The following PRKN variants were observed in gnomAD, a reference collection of about 807,000 sequenced individuals.
The protein encoded by PRKN is E3 ubiquitin-protein ligase parkin.
A neutral mutation model predicts 59.5 loss-of-function variants in PRKN; 56 were observed. The observed-to-expected ratio is 0.94, with a 90% CI of 0.76 to 1.18. PRKN has a LOEUF of 1.18. Among genes scored for constraint, PRKN ranks in the 50% most tolerant of loss-of-function variants. The probability of loss-of-function intolerance (pLI) is 0.00; values close to 1 mark genes in which losing one functional copy is unlikely to be tolerated. For missense variants in PRKN, 657 were observed against 596.4 expected (o/e 1.10, Z -1.06); for synonymous variants, 250 against 222.1 (o/e 1.13, Z -1.12).
intron 2 of PRKN, among the ~76,000 whole-genome samples, chr6:162,333,801 C>T (rs1221692598): frequency 6.6e-6 from 1 of 152,156 alleles, no homozygotes. Context: ...GAGGAAGGCA[C>T]GTTGAAAGCC....
intron 5 of PRKN, among the ~76,000 whole-genome samples, chr6:161,978,797 A>T (rs189414640): frequency 6.6e-6 from 1 of 152,292 alleles, no homozygotes; most frequent in South Asian, 2.1e-4. Flanking sequence ...TCAAGGTGGC[A>T]TTGTTTGAGT....
At chr6:161,830,674 T>C (rs1350323245) in intron 6 of PRKN, among the ~76,000 whole-genome samples, 1 of 152,238 alleles carries the variant, frequency 6.6e-6, no homozygotes, top group African/African-American at 2.4e-5. Context: ...ATTCATGGTA[T>C]ACAACATGGT....
At position 161,499,610 on chromosome 6, in the gene PRKN, TC is replaced by T. The variant is rs1028005147; in HGVS notation, c.1083+49243del. Among the ~76,000 whole-genome samples the T allele has an allele frequency of 2.0e-5, 3 of 152,186 alleles. No homozygotes were observed. The highest frequency in any genetic ancestry group is 4.4e-5 in the Non-Finnish European group (3 of 68,032). Reference sequence around the variant, plus strand: ...CCTGGATCCAAGTTAGCTGAGTTGCTCGTGAAAAATGCAGATTGCAGGTTTC... The same window carrying T: ...CCTGGATCCAAGTTAGCTGAGTTGCTGTGAAAAATGCAGATTGCAGGTTTC... On this transcript the variant is annotated intron_variant, in intron 9 of 11. Coordinates refer to ENST00000366898, the MANE Select transcript of PRKN (RefSeq NM_004562.3). The surrounding 1 kb of genome is among the most constrained non-coding windows in gnomAD (Gnocchi z 4.2).
chr6:161,779,810 C>T (rs907265449), intron 7 of PRKN, among the ~76,000 whole-genome samples: 6 of 151,952 alleles, frequency 3.9e-5, no homozygotes, highest in African/African-American at 9.7e-5. Context: ...CTATGCTCCA[C>T]GAATCAAGGC....
intron 4 of PRKN, among the ~76,000 whole-genome samples, chr6:162,068,240 T>A (rs76670990): frequency 0.015 from 2,200 of 144,848 alleles, 50 homozygotes; most frequent in African/African-American, 0.052. Context: ...TAGGTGTTTT[T>A]CTTTTAAAGT....
At chr6:162,199,911 C>T (rs1784649902) in intron 4 of PRKN, among the ~76,000 whole-genome samples, 1 of 152,130 alleles carries the variant, frequency 6.6e-6, no homozygotes, top group Non-Finnish European at 1.5e-5. Context: ...CCCTGGCCCA[C>T]AGCTCCTCAT....
At chr6:162,599,364 C>T (rs1013249725) in intron 1 of PRKN, among the ~76,000 whole-genome samples, 2 of 152,038 alleles carry the variant, frequency 1.3e-5, no homozygotes, top group Admixed American at 1.3e-4. Flanking sequence ...AAAGTCCACC[C>T]GACCTCACAA....
intron 6 of PRKN, among the ~76,000 whole-genome samples, chr6:161,856,013 A>G (rs1223477659): frequency 1.3e-5 from 2 of 152,208 alleles, no homozygotes; most frequent in Admixed American, 6.5e-5. Context: ...CTAGGAAAGC[A>G]TGAGTCCAAG....
rs146057903 is a variant in PRKN, at chr6:162,469,838, C to T, written c.8-26365G>A. ...TCACAAATCGCTACTAAAGAACTTA[C>T]ACATGTAGCCAAATATCACCTGTTC... On this transcript the variant is annotated intron_variant, in intron 1 of 11. Coordinates refer to ENST00000366898, the MANE Select transcript of PRKN (RefSeq NM_004562.3). 7.6e-4 allele frequency among the ~76,000 whole-genome samples: 115 copies of T among 152,046 alleles called. 1 individual carries two copies. In the East Asian group the frequency reaches 0.011, roughly 15 times the overall value.
At chr6:161,504,658 A>G (rs980368770) in intron 9 of PRKN, among the ~76,000 whole-genome samples, 8 of 144,170 alleles carry the variant, frequency 5.5e-5, no homozygotes, top group Non-Finnish European at 9.2e-5. Context: ...ATATCTCCCA[A>G]TGCTATCCCT....
intron 7 of PRKN, among the ~76,000 whole-genome samples, chr6:161,628,771 A>C (rs1783187099): frequency 6.6e-6 from 1 of 152,186 alleles, no homozygotes. Flanking sequence ...CATTCAACAG[A>C]CAGAATCGCG....
chr6:161,669,949 G>A (rs16888746), intron 7 of PRKN, among the ~76,000 whole-genome samples: 20,575 of 152,228 alleles, frequency 0.14, 2,215 homozygotes, highest in Admixed American at 0.34. Context: ...TTTGCAGAAC[G>A]GGCCCTGAGA....
chr6:161,439,274 C>T (rs527706390), intron 9 of PRKN, among the ~76,000 whole-genome samples: 2 of 152,170 alleles, frequency 1.3e-5, no homozygotes, highest in African/African-American at 2.4e-5. Context: ...GGCCTCCCTC[C>T]AAAAACATGG....
chr6:161,747,291 T>C (rs1450057907), intron 7 of PRKN, among the ~76,000 whole-genome samples: 2 of 152,122 alleles, frequency 1.3e-5, no homozygotes, highest in African/African-American at 4.8e-5. Context: ...GACAGGGTAA[T>C]GAAAATTATA....
At chr6:162,031,639 G>A (rs753271750) in intron 5 of PRKN, among the ~76,000 whole-genome samples, 13 of 151,148 alleles carry the variant, frequency 8.6e-5, no homozygotes, top group Non-Finnish European at 1.3e-4. Context: ...AGGTTCAAGC[G>A]ATTCTTCTTG....
At chr6:162,395,711 G>A (rs1787441991) in intron 2 of PRKN, among the ~76,000 whole-genome samples, 1 of 151,856 alleles carries the variant, frequency 6.6e-6, no homozygotes, top group African/African-American at 2.4e-5. Context: ...AAAAAAGAAA[G>A]TTCTTACTCC....
At chr6:162,546,558 C>T (rs1779124747) in intron 1 of PRKN, among the ~76,000 whole-genome samples, 2 of 151,944 alleles carry the variant, frequency 1.3e-5, no homozygotes, top group Admixed American at 1.3e-4. Context: ...ATTCTCCTGC[C>T]TCATCTTCCC....
At chr6:162,596,017 A>T (rs565253112) in intron 1 of PRKN, among the ~76,000 whole-genome samples, 141 of 152,336 alleles carry the variant, frequency 9.3e-4, no homozygotes, top group African/African-American at 3.3e-3. Context: ...GTGAAAAAAA[A>T]AAATTCCAAA....
chr6:161,747,451 G>C (rs528514572), intron 7 of PRKN, among the ~76,000 whole-genome samples: 1 of 151,402 alleles, frequency 6.6e-6, no homozygotes, highest in Non-Finnish European at 1.5e-5. Flanking sequence ...TGCAGAGAAA[G>C]AGAGAGAGAG....
Sources: gnomAD v4.1 joint callset for allele counts (sites outside exome capture counted in the v4.1 genomes callset) on GRCh38, gnomAD v4.1.1 for gene constraint, Gnocchi (gnomAD v3.1) non-coding constraint, MANE v1.5 for transcripts, NCBI Gene and HGNC (gene_info 2026-07-23, HGNC 2026-07-21) for gene names.